Variants in TTN observed in about 807,000 individuals in gnomAD.
TTN encodes the protein titin, also known as connectin.
In TTN, 1,525 loss-of-function variants were observed where a neutral mutation model predicts 3,223.0. The observed-to-expected ratio is 0.47, with a 90% CI of 0.45 to 0.49. TTN has a LOEUF of 0.49. Ranked by LOEUF, TTN falls within the 20% of genes least tolerant of loss-of-function variation. The pLI is 0.00. For missense variants in TTN, 40,786 were observed against 43,424.0 expected (o/e 0.94, Z 5.40); for synonymous variants, 14,094 against 15,161.0 (o/e 0.93, Z 5.17).
rs71393434 is a variant in TTN at position 178,677,335 on chromosome 2, C to CATATACATATATATATATAT, written c.34292-49_34292-48insATATATATATATATGTATAT. On this transcript the variant is annotated intron_variant, in intron 146 of 362. Coordinates refer to ENST00000589042, the MANE Select transcript of TTN (RefSeq NM_001267550.2). ...GCATTAAAAACCACATATACATGGT[C>CATATACATATATATATATAT]ATATATATATATATATATATATATA... is the stretch of plus-strand genomic sequence containing the variant. 249 of 251,842 alleles carry CATATACATATATATATATAT rather than the reference C, an allele frequency of 9.9e-4. 5 individuals are homozygous for CATATACATATATATATATAT. The South Asian group carries it at 0.03, about 31-fold the overall frequency. The allele number at this position is 251,842 out of a possible 1,614,324, so 15.6% of individuals were successfully genotyped here. A position where few individuals can be genotyped will look rare whatever the true frequency, so the allele number is the denominator to read the frequency against.
chr2:178,647,005 A>T, intron 215 of TTN, 59 bp downstream of exon 215: 4 of 626,850 alleles, frequency 6.4e-6, no homozygotes, highest in Non-Finnish European at 9.1e-6. Context: ...ATGCTTTTGT[A>T]ATTCTAACAG....
chr2:178,589,571 C>T lies in TTN; in HGVS notation c.62154G>A (p.Val20718=). Residue 20718 remains valine, a synonymous_variant, in exon 304 of 363, where the codon GTG becomes GTA. Coordinates refer to ENST00000589042, the MANE Select transcript of TTN (RefSeq NM_001267550.2). ...RLKGSDDWER[V]HKGSIKETHY... is the part of the protein sequence containing the mutation. ...GAGTTTCTTTAATGCTTCCTTTATG[C>T]ACTCTTTCCCAGTCATCGGAGCCCT... is the stretch of plus-strand genomic sequence containing the variant. The T allele has an allele frequency of 6.2e-7, 1 of 1,613,376 alleles. No homozygotes were observed. Among genetic ancestry groups the T allele is most frequent in the Admixed American group, 1.7e-5 (1 of 59,970 alleles).
rs917061423 is a variant in TTN at position 178,714,654 on chromosome 2, C to G, written c.26201-81G>C. ...TGCTCAAATCGTGAATGCCGGGAAT[C>G]AAACTAGTGATAATGTGTTATTTCC... On this transcript the variant is annotated intron_variant, in intron 90 of 362. Coordinates refer to ENST00000589042, the MANE Select transcript of TTN (RefSeq NM_001267550.2). 43 of 1,407,772 alleles carry G rather than the reference C, an allele frequency of 3.1e-5. No individual in the cohort carries two copies. The African/African-American group carries it at 5.2e-4, about 17-fold the overall frequency. The allele number at this position is 1,407,772 out of a possible 1,614,324, so 87.2% of individuals were successfully genotyped here. A position where few individuals can be genotyped will look rare whatever the true frequency, so the allele number is the denominator to read the frequency against.
At chr2:178,781,369 C>T in intron 20 of TTN, 106 bp from the exon 21 acceptor site, 1 of 1,290,830 alleles carries the variant, frequency 7.7e-7, no homozygotes, top group Non-Finnish European at 1.1e-6. Context: ...AATTCAATGA[C>T]CCTAAACATA....
intron 159 of TTN, among the ~76,000 whole-genome samples, chr2:178,669,003 G>T (rs940556228): frequency 6.6e-6 from 1 of 151,756 alleles, no homozygotes; most frequent in African/African-American, 2.4e-5. Context: ...AAAAATAATG[G>T]TGAAACATTT....
chr2:178,778,047 T>C, intron 24 of TTN, 72 bp from the exon 25 acceptor site: 2 of 1,538,006 alleles, frequency 1.3e-6, no homozygotes, highest in Non-Finnish European at 1.8e-6. Flanking sequence ...TCATTTTGTC[T>C]TATTCATTAT....
intron 3 of TTN, among the ~76,000 whole-genome samples, chr2:178,801,551 A>G (rs2154359513): frequency 6.6e-6 from 1 of 152,354 alleles, no homozygotes; most frequent in South Asian, 2.1e-4. Context: ...TAAAACATGT[A>G]AAGGCATGCA....
intron 165 of TTN, 46 bp from the exon 166 acceptor site, chr2:178,664,972 T>A: frequency 6.4e-7 from 1 of 1,553,492 alleles, no homozygotes; most frequent in Non-Finnish European, 8.7e-7. Context: ...AAATGATTAA[T>A]GGAAAACAGT....
chr2:178,596,722 A>G (rs976990408), intron 294 of TTN, among the ~76,000 whole-genome samples: 3 of 152,088 alleles, frequency 2.0e-5, no homozygotes, highest in Non-Finnish European at 4.4e-5. Flanking sequence ...TGCCATTCTT[A>G]TATTAATTAT....
At position 178,531,459 on chromosome 2, in the gene TTN, A is replaced by G. The variant is rs766918865; in HGVS notation, c.105156T>C (p.Val35052=). 1.9e-6 allele frequency: 3 copies of G among 1,613,810 alleles called. No homozygotes were observed. The highest frequency in any genetic ancestry group is 2.5e-6 in the Non-Finnish European group (3 of 1,179,890). Residue 35052 remains valine (V), a synonymous_variant, in exon 358 of 363, where the codon GTT becomes GTC. Coordinates refer to ENST00000589042, the MANE Select transcript of TTN (RefSeq NM_001267550.2). ...CCTCTGTTCTTGTCAGCTCAGGGAA[A>G]ACAGATCTGGGGACCTCTTCATCTC... The part of the protein sequence containing the change: ...QRRDEEVPRS[V]FPELTRTEAY...
chr2:178,581,690 A>G lies in TTN; in HGVS notation c.66578T>C (p.Val22193Ala), dbSNP rs775454536. The G allele has an allele frequency of 1.9e-6, 3 of 1,612,380 alleles. No individual in the cohort carries two copies. The highest frequency in any genetic ancestry group is 2.2e-5 in the East Asian group (1 of 44,570). ...ATCGGAGTCAGCCCGTTTTACTTCA[A>G]CGAGATAACCAATGATAGGGCTGCC... The part of the protein sequence containing the change: ...DGGSPIIGYL[V>A]EVKRADSDNW... Residue 22193 changes from valine to alanine, a missense_variant, in exon 316 of 363, where the codon GTT becomes GCT. By Grantham distance (64) the Val-to-Ala change is moderately conservative. Transcript: ENST00000589042.
Position 178,534,101 on chromosome 2 carries a change from A to T in TTN, c.102514T>A (p.Phe34172Ile). The T allele has an allele frequency of 6.2e-7, 1 of 1,613,988 alleles. No individual in the cohort carries two copies. The highest frequency in any genetic ancestry group is 8.5e-7 in the Non-Finnish European group (1 of 1,179,864). The change falls in exon 358 of 363, where the codon TTT becomes ATT. Residue 34172 changes from phenylalanine to isoleucine, a missense_variant. Transcript: ENST00000589042. ...YDQSTQVTWY[F>I]GVRQLENSEK... is the part of the protein sequence containing the mutation. ...CTGTTCTCCAGCTGTCGGACGCCAA[A>T]GTACCAAGTCACTTGGGTAGACTGA...
chr2:178,632,469 T>C (rs1369625457), intron 235 of TTN, 56 bp from the exon 236 acceptor site: 1 of 1,586,414 alleles, frequency 6.3e-7, no homozygotes. Context: ...AGAAGAAATA[T>C]AAAACTAAAG....
rs727504507 is a variant in TTN at position 178,579,660 on chromosome 2, A to G, written c.67537T>C (p.Leu22513=). Residue 22513 remains leucine (L), a synonymous_variant, in exon 319 of 363, where the codon TTG becomes CTG. Coordinates refer to ENST00000589042, the MANE Select transcript of TTN (RefSeq NM_001267550.2). ...AAGGTATATTCCTTCCCTTCAGTCAAATCTTTTGCAGAGTACTGTAGGCTT... is the reference window on the plus strand; with the variant it reads ...AAGGTATATTCCTTCCCTTCAGTCAGATCTTTTGCAGAGTACTGTAGGCTT... ...SLSLQYSAKD[L]TEGKEYTFRV... is the part of the protein sequence containing the mutation. 1.7e-5 allele frequency: 28 copies of G among 1,613,216 alleles called. No homozygotes were observed. The highest frequency in any genetic ancestry group is 2.3e-5 in the Non-Finnish European group (27 of 1,179,526).
In TTN at chr2:178,774,943, C is replaced by T. The variant is rs886055302; in HGVS notation, c.6768G>A (p.Thr2256=). 3 of 1,613,714 alleles carry T rather than the reference C, an allele frequency of 1.9e-6. No homozygotes were observed. Among genetic ancestry groups the T allele is most frequent in the South Asian group, 1.1e-5 (1 of 91,040 alleles). ...TACCTTCAACAATAAGTTTAGCAGT[C>T]GTTTTGACATTTTCATCTTCCACAA... ...CVLVEDENVK[T]TAKLIVEGAV... The change falls in exon 29 of 363, where the codon ACG becomes ACA. Residue 2256 remains threonine (T), a synonymous_variant. Transcript: ENST00000589042.
At position 178,573,874 on chromosome 2, in the gene TTN, A is replaced by G; in HGVS notation, c.72258T>C (p.Asn24086=). ...TTCTTGTTGAATCTTTGTTTACCAG[A>G]TTAGTAGAGAAATCTGCAATTTTTA... ...LEIKIADFST[N]LVNKDSTRRD... Residue 24086 remains asparagine, a synonymous_variant, in exon 326 of 363, where the codon AAT becomes AAC. Transcript: ENST00000589042. 1 of 1,611,392 alleles carries G rather than the reference A, an allele frequency of 6.2e-7. No homozygotes were observed. The highest frequency in any genetic ancestry group is 8.5e-7 in the Non-Finnish European group (1 of 1,177,988).
At position 178,546,017 on chromosome 2, in the gene TTN, A is replaced by G. The variant is rs200781956; in HGVS notation, c.95219T>C (p.Ile31740Thr). The change falls in exon 343 of 363, where the codon ATC (isoleucine) becomes ACC (threonine). Residue 31740 changes from isoleucine (I) to threonine (T), a missense_variant. Coordinates refer to ENST00000589042, the MANE Select transcript of TTN (RefSeq NM_001267550.2). Reference protein sequence around the residue: ...SLPQEDGGAEITHYIVERRET... With the variant: ...SLPQEDGGAETTHYIVERRET... ...GCGTCTTTCCACGATGTAGTGAGTG[A>G]TTTCTGCTCCTCCGTCTTCCTGCGG... is the stretch of plus-strand genomic sequence containing the variant. 6.2e-7 allele frequency: 1 copy of G among 1,613,678 alleles called. No individual in the cohort carries two copies. Among genetic ancestry groups the G allele is most frequent in the African/African-American group, 1.3e-5 (1 of 74,910 alleles).
Position 178,570,445 on chromosome 2 carries a change from T to G in TTN, c.75687A>C (p.Pro25229=). 1 of 1,613,120 alleles carries G rather than the reference T, an allele frequency of 6.2e-7. No individual in the cohort carries two copies. The highest frequency in any genetic ancestry group is 8.5e-7 in the Non-Finnish European group (1 of 1,179,552). ...AEKCTLAWKP[P]LQDGGSDIIN... ...TGATGTCACTCCCACCATCCTGAAG[T>G]GGGGGTTTCCAAGCTAGTGTGCATT... is the stretch of plus-strand genomic sequence containing the variant. The change falls in exon 326 of 363, where the codon CCA becomes CCC. Residue 25229 remains proline (P), a synonymous_variant. Coordinates refer to ENST00000589042, the MANE Select transcript of TTN (RefSeq NM_001267550.2).
rs201112096 is a variant in TTN, at chr2:178,536,521, C to T, written c.100226G>A (p.Cys33409Tyr). 7.9e-5 allele frequency: 121 copies of T among 1,533,970 alleles called. 1 individual carries two copies. The Middle Eastern group carries it at 1.1e-3, about 13-fold the overall frequency. The change falls in exon 357 of 363, where the codon TGT (cysteine) becomes TAT (tyrosine). Residue 33409 changes from cysteine to tyrosine, a missense_variant. Physicochemically the swap from Cys to Tyr is radical, Grantham distance 194 (BLOSUM62 -2). Coordinates refer to ENST00000589042, the MANE Select transcript of TTN (RefSeq NM_001267550.2). ...GGCAGGTGGCTTCCAGGCCACAACACAAGAATCTTTTGTGACAGCAGTAAT... is the reference window on the plus strand; with the variant it reads ...GGCAGGTGGCTTCCAGGCCACAACATAAGAATCTTTTGTGACAGCAGTAAT... The part of the protein sequence containing the change: ...PTITAVTKDS[C>Y]VVAWKPPASD...
Sources: allele counts gnomAD v4.1 joint callset (sites outside exome capture counted in the v4.1 genomes callset), GRCh38; gene constraint gnomAD v4.1.1; transcripts MANE v1.5; gene names NCBI Gene and HGNC (gene_info 2026-07-23, HGNC 2026-07-21).